Variants in DAB1 observed in about 807,000 individuals in gnomAD.
The protein encoded by DAB1 is disabled homolog 1.
A neutral mutation model predicts 64.6 loss-of-function variants in DAB1; 15 were observed. The ratio of observed to expected loss-of-function variants is 0.23; its 90% CI spans 0.16 to 0.36. The LOEUF is 0.36. DAB1 is among the 10% of genes least tolerant of loss of function. DAB1 has a pLI of 1.00. For missense variants in DAB1, 596 were observed against 706.7 expected (o/e 0.84, Z 1.78); for synonymous variants, 235 against 251.9 (o/e 0.93, Z 0.64).
chr1:57,905,999 G>A (rs779390790), intron 5 of DAB1, among the ~76,000 whole-genome samples: 1 of 152,094 alleles, frequency 6.6e-6, no homozygotes, highest in African/African-American at 2.4e-5. Flanking sequence ...ACAGCATCTC[G>A]ACTGGGGCAC....
intron 7 of DAB1, among the ~76,000 whole-genome samples, chr1:57,542,213 C>T (rs1353969346): frequency 6.6e-6 from 1 of 152,032 alleles, no homozygotes; most frequent in Admixed American, 6.6e-5. Context: ...TGTTGTTTAT[C>T]TTCCTCCTGA....
intron 5 of DAB1, among the ~76,000 whole-genome samples, chr1:57,922,057 T>C (rs138716723): frequency 6.6e-4 from 101 of 152,334 alleles, no homozygotes; most frequent in African/African-American, 2.4e-3. Flanking sequence ...ATCCTTTTCC[T>C]CCTCACCTTT....
At chr1:57,754,519 C>T (rs1648703403) in intron 6 of DAB1, among the ~76,000 whole-genome samples, 1 of 151,824 alleles carries the variant, frequency 6.6e-6, no homozygotes, top group South Asian at 2.1e-4. Flanking sequence ...AACCCCGTCT[C>T]TACTAAAAAT....
intron 5 of DAB1, among the ~76,000 whole-genome samples, chr1:58,139,795 T>C (rs997006007): frequency 6.6e-6 from 1 of 152,218 alleles, no homozygotes; most frequent in African/African-American, 2.4e-5. Context: ...AATGACTTAA[T>C]TGCATTCAAA....
intron 4 of DAB1, among the ~76,000 whole-genome samples, chr1:58,325,172 A>T (rs1662792924): frequency 6.6e-6 from 1 of 152,172 alleles, no homozygotes; most frequent in Admixed American, 6.5e-5. Context: ...AGCCTAAAGG[A>T]GCTGATTCAC....
chr1:57,070,373 T>C (rs1651337743), intron 7 of DAB1, among the ~76,000 whole-genome samples: 1 of 152,214 alleles, frequency 6.6e-6, no homozygotes, highest in South Asian at 2.1e-4. Flanking sequence ...CCTTTTTTTC[T>C]GCATCTCTGT....
chr1:58,199,414 T>C (rs1657878019), intron 4 of DAB1, among the ~76,000 whole-genome samples: 1 of 152,232 alleles, frequency 6.6e-6, no homozygotes, highest in Admixed American at 6.5e-5. Flanking sequence ...CATAAAATTC[T>C]AGTAAGATAA....
chr1:58,541,423 T>C (rs1184822906), intron 1 of DAB1: 1 of 144,358 alleles, frequency 6.9e-6, no homozygotes, highest in Admixed American at 7.1e-5. Context: ...GACAGAGAGA[T>C]GAGTGACTGC....
chr1:58,453,267 T>C (rs918868285), intron 3 of DAB1, among the ~76,000 whole-genome samples: 11 of 152,032 alleles, frequency 7.2e-5, no homozygotes, highest in Non-Finnish European at 1.3e-4. Flanking sequence ...CAGGGAGTTT[T>C]GGGGGTGACA....
At chr1:57,555,535 G>A (rs903253026) in intron 7 of DAB1, among the ~76,000 whole-genome samples, 3 of 151,936 alleles carry the variant, frequency 2.0e-5, no homozygotes, top group Non-Finnish European at 4.4e-5. Flanking sequence ...GTAAATACAC[G>A]TACTCATATG....
chr1:58,274,742 A>G (rs1366329662), intron 4 of DAB1, among the ~76,000 whole-genome samples: 5 of 152,128 alleles, frequency 3.3e-5, no homozygotes, highest in Non-Finnish European at 7.3e-5. Flanking sequence ...GAAAAGCGCA[A>G]TATTCGGGTG....
intron 3 of DAB1, among the ~76,000 whole-genome samples, chr1:58,381,037 T>C (rs926595403): frequency 5.3e-5 from 8 of 152,150 alleles, no homozygotes; most frequent in Non-Finnish European, 1.2e-4. Context: ...AGCAAACTAA[T>C]GCAGGAACAG....
chr1:58,370,751 G>A (rs970582213), intron 3 of DAB1, among the ~76,000 whole-genome samples: 2 of 152,090 alleles, frequency 1.3e-5, no homozygotes, highest in African/African-American at 4.8e-5. Flanking sequence ...GTGATAGTGA[G>A]TGAGTTCTCA....
chr1:57,439,418 G>GTTTTTTGTTTTTTTTTTTTTTTTT, intron 7 of DAB1, among the ~76,000 whole-genome samples: 2 of 116,140 alleles, frequency 1.7e-5, no homozygotes, highest in African/African-American at 3.5e-5. Context: ...TGGTGATGAG[G>GTTTTTTGTTTTTTTTTTTTTTTTT]TTTTTTCTTT....
intron 5 of DAB1, chr1:58,048,566 C>A (rs1647401747): frequency 1.9e-6 from 2 of 1,036,768 alleles, no homozygotes; most frequent in African/African-American, 3.1e-5. Flanking sequence ...CCCATTATAA[C>A]CATCCCCACT....
At chr1:58,127,419 C>G (rs1354476687) in intron 5 of DAB1, among the ~76,000 whole-genome samples, 3 of 151,000 alleles carry the variant, frequency 2.0e-5, no homozygotes, top group Non-Finnish European at 4.5e-5. Flanking sequence ...TGCCTGTTCA[C>G]TCTGATGGTA....
At chr1:57,224,616 G>A (rs193056107) in intron 2 of DAB1, among the ~76,000 whole-genome samples, 163 of 152,300 alleles carry the variant, frequency 1.1e-3, no homozygotes, top group Non-Finnish European at 1.9e-3. Flanking sequence ...TCTCCCTTTG[G>A]GGAAGGTCTG....
chr1:58,394,338 T>C (rs1240467841), intron 3 of DAB1, among the ~76,000 whole-genome samples: 1 of 152,180 alleles, frequency 6.6e-6, no homozygotes, highest in South Asian at 2.1e-4. Context: ...ACTTACCATA[T>C]AACATAGAAA....
chr1:57,004,480 C>G (rs1260353708), intron 14 of DAB1, among the ~76,000 whole-genome samples: 2 of 152,192 alleles, frequency 1.3e-5, no homozygotes, highest in Admixed American at 6.5e-5. Context: ...ATGCAATCAG[C>G]TTGCTGAGTG....
Sources: gnomAD v4.1 joint callset for allele counts (sites outside exome capture counted in the v4.1 genomes callset) on GRCh38, gnomAD v4.1.1 for gene constraint, MANE v1.5 for transcripts, NCBI Gene and HGNC (gene_info 2026-07-23, HGNC 2026-07-21) for gene names.